PKD2: variants seen among roughly 807,000 people sequenced by gnomAD.
PKD2 encodes the protein polycystin 2, transient receptor potential cation channel.
A neutral mutation model predicts 105.9 loss-of-function variants in PKD2; 48 were observed. That is an observed-to-expected ratio of 0.45 (90% CI 0.36 to 0.58). PKD2 has a LOEUF of 0.58. Among genes scored for constraint, PKD2 ranks in the 20% least tolerant of loss-of-function variants. PKD2 has a pLI of 0.00. For missense variants in PKD2, 1,078 were observed against 1,255.3 expected (o/e 0.86, Z 2.13); for synonymous variants, 464 against 481.1 (o/e 0.96, Z 0.46).
At chr4:88,049,256 T>C (rs1412997585) in intron 6 of PKD2, among the ~76,000 whole-genome samples, 2 of 152,242 alleles carry the variant, frequency 1.3e-5, no homozygotes, top group Admixed American at 6.5e-5. Context: ...ATTTTAAAGA[T>C]TGGAATAAAA....
At chr4:88,030,811 G>A (rs1477312582) in intron 2 of PKD2, among the ~76,000 whole-genome samples, 2 of 152,254 alleles carry the variant, frequency 1.3e-5, no homozygotes, top group East Asian at 3.8e-4. Context: ...GACACCTGGA[G>A]AGTCTCACGA....
intron 7 of PKD2, among the ~76,000 whole-genome samples, chr4:88,055,005 A>C (rs1158986752): frequency 6.6e-6 from 1 of 152,078 alleles, no homozygotes; most frequent in Non-Finnish European, 1.5e-5. Context: ...TGAGGCTTCT[A>C]CTTAGAGCTA....
chr4:88,074,497 CTT>C (rs780644314), intron 13 of PKD2, among the ~76,000 whole-genome samples: 1 of 152,124 alleles, frequency 6.6e-6, no homozygotes, highest in African/African-American at 2.4e-5. Context: ...AAGCAGCACT[CTT>C]TTATAGCCAA....
intron 2 of PKD2, among the ~76,000 whole-genome samples, chr4:88,027,285 G>A (rs911128923): frequency 4.6e-5 from 7 of 152,252 alleles, no homozygotes; most frequent in African/African-American, 1.7e-4. Context: ...CAAGGCCATG[G>A]GAGCCCACCC....
intron 5 of PKD2, among the ~76,000 whole-genome samples, chr4:88,044,911 A>G (rs1727712206): frequency 6.6e-6 from 1 of 152,210 alleles, no homozygotes; most frequent in Admixed American, 6.5e-5. Context: ...GAAAGAAAAG[A>G]AATACTCAAC....
chr4:88,009,364 A>G (rs992751439), intron 1 of PKD2, among the ~76,000 whole-genome samples: 1 of 152,244 alleles, frequency 6.6e-6, no homozygotes, highest in African/African-American at 2.4e-5. Flanking sequence ...CACAAAAACA[A>G]TCCAGGTGTT....
chr4:88,052,393 G>C (rs922865528), intron 7 of PKD2, among the ~76,000 whole-genome samples: 2 of 151,846 alleles, frequency 1.3e-5, no homozygotes, highest in Admixed American at 1.3e-4. Flanking sequence ...CTTATCCTCC[G>C]AAGTCACTGG....
intron 2 of PKD2, 41 bp from the exon 3 acceptor site, chr4:88,036,179 G>A (rs369911152): frequency 8.1e-6 from 13 of 1,613,426 alleles, no homozygotes; most frequent in African/African-American, 1.3e-5. Flanking sequence ...AATGTGTGCC[G>A]GTTCCCTTGG....
At chr4:88,033,216 CA>C (rs1420037362) in intron 2 of PKD2, among the ~76,000 whole-genome samples, 1 of 152,062 alleles carries the variant, frequency 6.6e-6, no homozygotes, top group African/African-American at 2.4e-5. Flanking sequence ...CACTTGAGCT[CA>C]CAAGTTTGAG....
At chr4:88,021,685 A>G (rs1396338475) in intron 2 of PKD2, among the ~76,000 whole-genome samples, 1 of 152,308 alleles carries the variant, frequency 6.6e-6, no homozygotes, top group East Asian at 1.9e-4. Context: ...TCATTTTTCT[A>G]CAGCTATGTT....
chr4:88,041,673 G>C (rs1727569075), intron 4 of PKD2, among the ~76,000 whole-genome samples: 1 of 152,200 alleles, frequency 6.6e-6, no homozygotes, highest in Non-Finnish European at 1.5e-5. Context: ...ACTAGCATGT[G>C]CCAAAATTCC....
intron 10 of PKD2, 55 bp from the exon 11 acceptor site, chr4:88,065,317 CAG>C: frequency 6.5e-7 from 1 of 1,531,982 alleles, no homozygotes; most frequent in South Asian, 1.1e-5. Flanking sequence ...GAAAGTAAAA[CAG>C]ATGCAAAAGG....
At chr4:88,015,344 T>C (rs1258723423) in intron 1 of PKD2, among the ~76,000 whole-genome samples, 2 of 152,220 alleles carry the variant, frequency 1.3e-5, no homozygotes, top group African/African-American at 4.8e-5. Flanking sequence ...TTGTTGGATC[T>C]AGGTGATAGA....
intron 5 of PKD2, among the ~76,000 whole-genome samples, chr4:88,043,965 C>T (rs1727674093): frequency 6.6e-6 from 1 of 152,208 alleles, no homozygotes; most frequent in Non-Finnish European, 1.5e-5. Context: ...GTTCCTTCCA[C>T]AGATCCTGGG....
rs11939660 is a variant in PKD2, at chr4:88,032,014, A to G, written c.710-4206A>G. 6.0e-3 allele frequency among the ~76,000 whole-genome samples: 913 copies of G among 152,330 alleles called. 13 individuals are homozygous for G. Among genetic ancestry groups the G allele is most frequent in the African/African-American group, 0.021 (857 of 41,588 alleles). ...AGCTTTGAGTGGTTTTCTTATAACA[A>G]TTCTAGAGATGCGTTTTTATTTTTT... On this transcript the variant is annotated intron_variant, in intron 2 of 14. Coordinates refer to ENST00000237596, the MANE Select transcript of PKD2 (RefSeq NM_000297.4).
intron 13 of PKD2, among the ~76,000 whole-genome samples, chr4:88,070,569 TTA>T (rs1389950870): frequency 8.4e-4 from 107 of 127,394 alleles, no homozygotes; most frequent in South Asian, 4.0e-3. Flanking sequence ...ATTTATTTAT[TTA>T]TTTTATATAT....
intron 5 of PKD2, among the ~76,000 whole-genome samples, chr4:88,045,315 T>C (rs530552485): frequency 2.4e-4 from 37 of 152,264 alleles, no homozygotes; most frequent in African/African-American, 8.9e-4. Flanking sequence ...CTCTCCTGAG[T>C]TTTTGATTCT....
chr4:88,030,665 C>T (rs76549610), intron 2 of PKD2, among the ~76,000 whole-genome samples: 2,639 of 152,292 alleles, frequency 0.017, 35 homozygotes, highest in South Asian at 0.046. Flanking sequence ...TTAGTGGTGC[C>T]CACCCGAACC....
chr4:88,038,603 AAAT>A (rs1727431544), intron 4 of PKD2, 102 bp downstream of exon 4: 1 of 1,269,280 alleles, frequency 7.9e-7, no homozygotes, highest in South Asian at 1.2e-5. Flanking sequence ...ACCAAGGCAA[AAAT>A]AAGTTCAGTG....
Sources: gnomAD v4.1 joint callset for allele counts (sites outside exome capture counted in the v4.1 genomes callset) on GRCh38, gnomAD v4.1.1 for gene constraint, MANE v1.5 for transcripts, NCBI Gene and HGNC (gene_info 2026-07-23, HGNC 2026-07-21) for gene names.